Variants in LDHC observed in about 807,000 individuals in gnomAD.
LDHC encodes L-lactate dehydrogenase C chain.
In LDHC, 20 loss-of-function variants were observed where a neutral mutation model predicts 30.2. That is an observed-to-expected ratio of 0.66 (90% CI 0.47 to 0.96). The LOEUF is 0.96. LDHC is among the 40% of genes least tolerant of loss of function. The pLI is 0.00. For missense variants in LDHC, 362 were observed against 394.9 expected (o/e 0.92, Z 0.71); for synonymous variants, 139 against 132.7 (o/e 1.05, Z -0.32).
At chr11:18,413,094 C>A (rs1040680869) in intron 2 of LDHC, among the ~76,000 whole-genome samples, 3 of 119,382 alleles carry the variant, frequency 2.5e-5, no homozygotes, top group African/African-American at 9.6e-5. Context: ...TTTTCTTTTT[C>A]TTTTTTTGAG....
chr11:18,449,655 G>T lies in LDHC; in HGVS notation c.835-1308G>T, dbSNP rs114175635. On this transcript the variant is annotated intron_variant, in intron 7 of 7. Coordinates refer to ENST00000541669, the MANE Select transcript of LDHC (RefSeq NM_017448.5). Reference sequence around the variant, plus strand: ...GGCTGATCTGATGGTGCTTATGAGGGTGAGTGTAAAGTGGCTACCAAAATG... The same window carrying T: ...GGCTGATCTGATGGTGCTTATGAGGTTGAGTGTAAAGTGGCTACCAAAATG... Among the ~76,000 whole-genome samples, 498 of 152,240 alleles carry T rather than the reference G, an allele frequency of 3.3e-3. 5 individuals are homozygous for T. The highest frequency in any genetic ancestry group is 0.012 in the African/African-American group (482 of 41,552).
At chr11:18,440,246 G>C (rs1848442022) in intron 6 of LDHC, among the ~76,000 whole-genome samples, 2 of 151,066 alleles carry the variant, frequency 1.3e-5, no homozygotes, top group Non-Finnish European at 2.9e-5. Context: ...CCTGGGAGGC[G>C]GAGGTTGCAG....
chr11:18,429,813 T>G lies in LDHC; in HGVS notation c.321T>G (p.Leu107=). 6.2e-7 allele frequency: 1 copy of G among 1,612,620 alleles called. No homozygotes were observed. The highest frequency in any genetic ancestry group is 1.3e-5 in the African/African-American group (1 of 75,024). The part of the protein sequence containing the change: ...GARQQEGETR[L]ALVQRNVAIM... ...GGCAGCAGGAGGGAGAAACTCGCCT[T>G]GCCCTGGTCCAACGTAATGTGGCTA... Residue 107 remains leucine, a synonymous_variant, in exon 4 of 8, where the codon CTT becomes CTG. Coordinates refer to ENST00000541669, the MANE Select transcript of LDHC (RefSeq NM_017448.5).
In LDHC at chr11:18,420,689, A is replaced by G. The variant is rs556738325; in HGVS notation, c.244+5388A>G. Among the ~76,000 whole-genome samples, 11 of 151,220 alleles carry G rather than the reference A, an allele frequency of 7.3e-5. No individual in the cohort carries two copies. The East Asian group carries it at 2.1e-3, about 29-fold the overall frequency. On this transcript the variant is annotated intron_variant, in intron 3 of 7. Transcript: ENST00000541669. The stretch of plus-strand genomic sequence containing the variant: ...AAGGAGAGTGAATGAAGGTGTTTTC[A>G]GAAACAGACTGAGACAATTACTGTC...
intron 5 of LDHC, among the ~76,000 whole-genome samples, chr11:18,437,187 A>T (rs1848369752): frequency 6.6e-6 from 1 of 152,140 alleles, no homozygotes; most frequent in African/African-American, 2.4e-5. Flanking sequence ...GTATGGTATT[A>T]ATTTGACATT....
chr11:18,430,362 G>T (rs902230989), intron 4 of LDHC, among the ~76,000 whole-genome samples: 38 of 151,870 alleles, frequency 2.5e-4, no homozygotes, highest in African/African-American at 9.0e-4. Flanking sequence ...TCTGAGATGG[G>T]GTGTCATTCA....
At chr11:18,439,281 G>A (rs1217200147) in intron 6 of LDHC, among the ~76,000 whole-genome samples, 1 of 152,186 alleles carries the variant, frequency 6.6e-6, no homozygotes, top group African/African-American at 2.4e-5. Context: ...CTTAAAAATT[G>A]GCTGGGCGGG....
At chr11:18,420,284 A>G (rs1416865207) in intron 3 of LDHC, among the ~76,000 whole-genome samples, 1 of 152,228 alleles carries the variant, frequency 6.6e-6, no homozygotes, top group Non-Finnish European at 1.5e-5. Context: ...AAGACCACTG[A>G]AAAATATCAA....
At chr11:18,427,677 ATTTTT>A (rs34480310) in intron 3 of LDHC, among the ~76,000 whole-genome samples, 1 of 129,928 alleles carries the variant, frequency 7.7e-6, no homozygotes, top group African/African-American at 2.8e-5. Flanking sequence ...TTGGAGCCAG[ATTTTT>A]TTTTTTTTTT....
At chr11:18,445,072 T>G (rs1289751002) in intron 6 of LDHC, among the ~76,000 whole-genome samples, 2 of 152,204 alleles carry the variant, frequency 1.3e-5, no homozygotes, top group Non-Finnish European at 2.9e-5. Flanking sequence ...TATTTTCCTT[T>G]GAAAATGTAT....
chr11:18,423,671 A>C (rs1358141174), intron 3 of LDHC, among the ~76,000 whole-genome samples: 2 of 152,204 alleles, frequency 1.3e-5, no homozygotes, highest in African/African-American at 4.8e-5. Context: ...ACTGATTTAA[A>C]CACAAAGACA....
chr11:18,436,631 C>G (rs1848359630), intron 5 of LDHC, among the ~76,000 whole-genome samples: 1 of 151,800 alleles, frequency 6.6e-6, no homozygotes, highest in Admixed American at 6.6e-5. Flanking sequence ...GGATTACGGG[C>G]ATGCACCACC....
intron 3 of LDHC, among the ~76,000 whole-genome samples, chr11:18,422,978 C>T (rs1352178149): frequency 7.1e-6 from 1 of 141,382 alleles, no homozygotes; most frequent in African/African-American, 2.6e-5. Context: ...CTCAAAAAAA[C>T]CAAAACCAAA....
At chr11:18,447,966 T>A (rs992569961) in intron 7 of LDHC, among the ~76,000 whole-genome samples, 1 of 150,776 alleles carries the variant, frequency 6.6e-6, no homozygotes, top group Non-Finnish European at 1.5e-5. Context: ...AGAGAATTGC[T>A]TGAACCCAGG....
At chr11:18,441,884 C>T (rs957926799) in intron 6 of LDHC, among the ~76,000 whole-genome samples, 4 of 152,152 alleles carry the variant, frequency 2.6e-5, no homozygotes, top group East Asian at 3.9e-4. Flanking sequence ...CCAGCATGGG[C>T]GACAGAGGGA....
At chr11:18,413,532 G>A (rs1417417598) in intron 2 of LDHC, among the ~76,000 whole-genome samples, 1 of 148,260 alleles carries the variant, frequency 6.7e-6, no homozygotes, top group African/African-American at 2.5e-5. Context: ...GCAGGATCTC[G>A]GCTCCCGGCA....
At chr11:18,417,124 C>T (rs1463157333) in intron 3 of LDHC, among the ~76,000 whole-genome samples, 5 of 152,048 alleles carry the variant, frequency 3.3e-5, no homozygotes, top group Non-Finnish European at 7.4e-5. Flanking sequence ...CCTCAGGTGA[C>T]CCGCCTGCCT....
chr11:18,450,594 G>A (rs1241527174), intron 7 of LDHC: 3 of 167,698 alleles, frequency 1.8e-5, no homozygotes, highest in Non-Finnish European at 3.8e-5. Flanking sequence ...CTGTTGCCTC[G>A]ATGTAGTTTG....
At chr11:18,432,228 T>G (rs1176351635) in intron 4 of LDHC, among the ~76,000 whole-genome samples, 2 of 152,250 alleles carry the variant, frequency 1.3e-5, no homozygotes, top group Admixed American at 6.5e-5. Context: ...GACTCAATGC[T>G]CATTCAGGAG....
Sources: allele counts gnomAD v4.1 joint callset (sites outside exome capture counted in the v4.1 genomes callset), GRCh38; gene constraint gnomAD v4.1.1; transcripts MANE v1.5; gene names NCBI Gene and HGNC (gene_info 2026-07-23, HGNC 2026-07-21).